ZNRF1: variants seen among roughly 807,000 people sequenced by gnomAD.
ZNRF1 encodes E3 ubiquitin-protein ligase ZNRF1.
A neutral mutation model predicts 18.4 loss-of-function variants in ZNRF1; 3 were observed. The observed-to-expected ratio is 0.16, with a 90% CI of 0.07 to 0.42. ZNRF1 has a LOEUF of 0.42. ZNRF1 is among the 10% of genes least tolerant of loss of function. ZNRF1 has a pLI of 0.99. For missense variants in ZNRF1, 310 were observed against 329.8 expected, an observed-to-expected ratio of 0.94 and a Z score of 0.47; for synonymous variants, 157 against 144.2, an observed-to-expected ratio of 1.09 and a Z score of -0.64.
intron 2 of ZNRF1, among the ~76,000 whole-genome samples, chr16:75,102,635 C>T (rs1239490837): frequency 6.6e-6 from 1 of 152,182 alleles, no homozygotes; most frequent in Non-Finnish European, 1.5e-5. Context: ...CTTCTGCCTT[C>T]TTTGGATTTT....
At chr16:75,027,908 T>C (rs1457856568) in intron 1 of ZNRF1, among the ~76,000 whole-genome samples, 3 of 152,192 alleles carry the variant, frequency 2.0e-5, no homozygotes, top group Non-Finnish European at 4.4e-5. Flanking sequence ...CCATACTTTC[T>C]CCTCTCTTTT....
At chr16:75,096,061 C>CTGTGTGTGTGTGTGT in intron 2 of ZNRF1, among the ~76,000 whole-genome samples, 1 of 139,750 alleles carries the variant, frequency 7.2e-6, no homozygotes, top group South Asian at 2.3e-4. Flanking sequence ...TATGTGTGCA[C>CTGTGTGTGTGTGTGT]GTGTGTGTGT....
At chr16:75,041,355 G>A (rs1247497203) in intron 1 of ZNRF1, among the ~76,000 whole-genome samples, 1 of 151,766 alleles carries the variant, frequency 6.6e-6, no homozygotes, top group Non-Finnish European at 1.5e-5. Flanking sequence ...TTTGAGACAG[G>A]GTCTCACCCT....
At chr16:75,034,417 A>G (rs2035350510) in intron 1 of ZNRF1, among the ~76,000 whole-genome samples, 1 of 152,040 alleles carries the variant, frequency 6.6e-6, no homozygotes, top group South Asian at 2.1e-4. Flanking sequence ...GGCTTATTTC[A>G]CTTAGCGTAA....
intron 1 of ZNRF1, among the ~76,000 whole-genome samples, chr16:75,033,088 A>G (rs1301432540): frequency 1.3e-5 from 2 of 152,242 alleles, no homozygotes; most frequent in East Asian, 3.9e-4. Context: ...GTTTTTCTTT[A>G]TACGTCTGTC....
At chr16:75,106,278 C>G (rs2036315053) in intron 3 of ZNRF1, 3 of 581,064 alleles carry the variant, frequency 5.2e-6, no homozygotes, top group Non-Finnish European at 9.2e-6. Flanking sequence ...GCTGCCTCCA[C>G]CTGGGCCAAG....
intron 1 of ZNRF1, among the ~76,000 whole-genome samples, chr16:75,042,106 TTGTC>T (rs1567475696): frequency 6.6e-6 from 1 of 152,156 alleles, no homozygotes. Context: ...ATTGAGTTGT[TTGTC>T]AGTGAGTTGT....
At chr16:75,040,598 GTTTTTTTT>G (rs61513153) in intron 1 of ZNRF1, among the ~76,000 whole-genome samples, 1 of 46,386 alleles carries the variant, frequency 2.2e-5, no homozygotes, top group Non-Finnish European at 3.8e-5. Flanking sequence ...TTTTTTGTGG[GTTTTTTTT>G]TTTTTTTTTT....
intron 1 of ZNRF1, among the ~76,000 whole-genome samples, chr16:75,060,321 G>A (rs2035725890): frequency 6.6e-6 from 1 of 152,122 alleles, no homozygotes; most frequent in African/African-American, 2.4e-5. Flanking sequence ...AAAGTGCTGG[G>A]ATTACAGGCA....
intron 1 of ZNRF1, among the ~76,000 whole-genome samples, chr16:75,043,735 A>G (rs1000512591): frequency 2.7e-5 from 4 of 150,718 alleles, no homozygotes; most frequent in Admixed American, 6.6e-5. Flanking sequence ...TGGGTGGAGT[A>G]CTGGTTTTCC....
chr16:75,082,164 G>T (rs2036020213), intron 1 of ZNRF1, among the ~76,000 whole-genome samples: 1 of 152,070 alleles, frequency 6.6e-6, no homozygotes, highest in Non-Finnish European at 1.5e-5. Context: ...TTACAAGTGT[G>T]AGCCACTGTA....
At chr16:75,059,261 T>G (rs1248498910) in intron 1 of ZNRF1, among the ~76,000 whole-genome samples, 54 of 143,900 alleles carry the variant, frequency 3.8e-4, no homozygotes, top group African/African-American at 1.4e-3. Flanking sequence ...TTTTTTTTTT[T>G]TGTGGAGAAA....
At chr16:75,033,429 G>A (rs1217666744) in intron 1 of ZNRF1, among the ~76,000 whole-genome samples, 1 of 133,374 alleles carries the variant, frequency 7.5e-6, no homozygotes, top group Admixed American at 9.0e-5. Flanking sequence ...TCTCATCAGT[G>A]TTTTATAGTT....
At chr16:75,051,131 T>C (rs2145374192) in intron 1 of ZNRF1, among the ~76,000 whole-genome samples, 1 of 150,896 alleles carries the variant, frequency 6.6e-6, no homozygotes, top group Admixed American at 6.6e-5. Context: ...AGCCTGGGAG[T>C]TCAAGGCTGC....
intron 1 of ZNRF1, among the ~76,000 whole-genome samples, chr16:75,016,239 T>A (rs1019269434): frequency 1.7e-4 from 25 of 150,208 alleles, no homozygotes; most frequent in Non-Finnish European, 2.2e-4. Context: ...ACTCTTTTAT[T>A]TTTATTTTTT....
At chr16:75,056,388 G>A (rs1483448223) in intron 1 of ZNRF1, among the ~76,000 whole-genome samples, 1 of 152,194 alleles carries the variant, frequency 6.6e-6, no homozygotes, top group African/African-American at 2.4e-5. Context: ...ATAAGTTCTA[G>A]TGGTTCTGAA....
intron 1 of ZNRF1, among the ~76,000 whole-genome samples, chr16:75,008,875 T>C (rs1316228656): frequency 6.6e-6 from 1 of 152,180 alleles, no homozygotes; most frequent in Non-Finnish European, 1.5e-5. Flanking sequence ...CTCATTTTTT[T>C]CCAAAGCCCT....
At chr16:75,028,540 C>G (rs1208830521) in intron 1 of ZNRF1, among the ~76,000 whole-genome samples, 1 of 152,236 alleles carries the variant, frequency 6.6e-6, no homozygotes, top group Admixed American at 6.5e-5. Flanking sequence ...AGTGATCCAC[C>G]CACCTTGGGC....
At chr16:75,063,327 T>A (rs1287726950) in intron 1 of ZNRF1, among the ~76,000 whole-genome samples, 2 of 152,112 alleles carry the variant, frequency 1.3e-5, no homozygotes, top group Non-Finnish European at 1.5e-5. Flanking sequence ...CCCTCTAGCC[T>A]CCCTGTGGGG....
Sources: allele counts gnomAD v4.1 joint callset (sites outside exome capture counted in the v4.1 genomes callset), GRCh38; gene constraint gnomAD v4.1.1; transcripts MANE v1.5; gene names NCBI Gene and HGNC (gene_info 2026-07-23, HGNC 2026-07-21).